NRXN3: variants seen among roughly 807,000 people sequenced by gnomAD.
The protein encoded by NRXN3 is neurexin III.
A neutral mutation model predicts 137.6 loss-of-function variants in NRXN3; 32 were observed. The observed-to-expected ratio is 0.23, with a 90% CI of 0.18 to 0.31. The LOEUF (loss-of-function observed/expected upper bound fraction) is 0.31. NRXN3 is among the 10% of genes least tolerant of loss of function. The pLI is 1.00. For missense variants in NRXN3, 1,574 were observed against 2,062.5 expected (o/e 0.76, Z 4.59); for synonymous variants, 798 against 784.5 (o/e 1.02, Z -0.29).
At chr14:78,856,119 T>C (rs2099056366) in intron 10 of NRXN3, among the ~76,000 whole-genome samples, 1 of 152,180 alleles carries the variant, frequency 6.6e-6, no homozygotes, top group East Asian at 1.9e-4. Context: ...TGTAAAACAC[T>C]CCAACCTCAG....
intron 19 of NRXN3, among the ~76,000 whole-genome samples, chr14:79,721,613 G>A (rs1234683702): frequency 1.3e-5 from 2 of 152,120 alleles, no homozygotes; most frequent in African/African-American, 2.4e-5. Context: ...AGCTAAATAC[G>A]TATAGGTTGG....
intron 10 of NRXN3, among the ~76,000 whole-genome samples, chr14:78,813,606 G>A (rs1441665642): frequency 1.3e-5 from 2 of 151,936 alleles, no homozygotes; most frequent in African/African-American, 2.4e-5. Flanking sequence ...TTCTTTTTTA[G>A]AATGCCTGTC....
At chr14:79,249,632 C>T (rs1233020153) in intron 15 of NRXN3, among the ~76,000 whole-genome samples, 2 of 152,146 alleles carry the variant, frequency 1.3e-5, no homozygotes, top group Non-Finnish European at 2.9e-5. Context: ...ATTCATAACA[C>T]ATCAGGGAGG....
intron 15 of NRXN3, among the ~76,000 whole-genome samples, chr14:79,124,623 G>A (rs1242597674): frequency 2.0e-5 from 3 of 152,138 alleles, no homozygotes; most frequent in African/African-American, 7.2e-5. Context: ...ATAAACGTGA[G>A]TGTATAATAA....
chr14:78,262,451 G>A (rs1441717504), intron 2 of NRXN3, among the ~76,000 whole-genome samples: 2 of 152,124 alleles, frequency 1.3e-5, no homozygotes, highest in East Asian at 3.9e-4. Context: ...TGTTGTGGGA[G>A]AAGGGTAAAA....
In NRXN3 at chr14:79,344,703, CA is replaced by C. The variant is rs200700632; in HGVS notation, c.3263-122510del. ...CAGATTTAAAAAATAAGCTATGACTCAAAAAAAATTAATGTGAAATGCATCT... is the reference window on the plus strand; with the variant it reads ...CAGATTTAAAAAATAAGCTATGACTCAAAAAAATTAATGTGAAATGCATCT... On this transcript the variant is annotated intron_variant, in intron 15 of 20. Coordinates refer to ENST00000335750, the MANE Select transcript of NRXN3 (RefSeq NM_001330195.2). Among the ~76,000 whole-genome samples the C allele has an allele frequency of 5.8e-3, 887 of 151,752 alleles. 11 individuals carry two copies. Among genetic ancestry groups the C allele is most frequent in the African/African-American group, 0.021 (862 of 41,398 alleles).
intron 15 of NRXN3, among the ~76,000 whole-genome samples, chr14:79,194,582 C>T (rs2064884975): frequency 6.6e-6 from 1 of 152,190 alleles, no homozygotes; most frequent in African/African-American, 2.4e-5. Context: ...AGGATTCCCC[C>T]AGAAGAAAGT....
At chr14:79,214,037 A>G (rs2068105396) in intron 15 of NRXN3, among the ~76,000 whole-genome samples, 1 of 152,220 alleles carries the variant, frequency 6.6e-6, no homozygotes, top group Admixed American at 6.5e-5. Flanking sequence ...TGTAGTCATA[A>G]CCACACATAG....
At position 78,803,804 on chromosome 14, in the gene NRXN3, C is replaced by T; in HGVS notation, c.2229C>T (p.Val743=). The stretch of plus-strand genomic sequence containing the variant: ...GTCTGGAGCTGGATGGGGGGCGTGT[C>T]AAGCTCATGGTTAACTTAGGTATCG... ...TLRLELDGGR[V]KLMVNLDCIR... The change falls in exon 9 of 21, where the codon GTC becomes GTT. Residue 743 remains valine, a synonymous_variant. Coordinates refer to ENST00000335750, the MANE Select transcript of NRXN3 (RefSeq NM_001330195.2). The T allele has an allele frequency of 1.2e-6, 2 of 1,613,804 alleles. No homozygotes were observed. The highest frequency in any genetic ancestry group is 2.2e-5 in the South Asian group (2 of 91,074).
chr14:78,210,532 G>A (rs931908522), intron 1 of NRXN3, among the ~76,000 whole-genome samples: 3 of 152,164 alleles, frequency 2.0e-5, no homozygotes, highest in Non-Finnish European at 4.4e-5. Flanking sequence ...TGTAAGCCAT[G>A]TACAATAAAG....
intron 16 of NRXN3, among the ~76,000 whole-genome samples, chr14:79,644,034 C>G (rs1480044995): frequency 7.4e-6 from 1 of 135,642 alleles, no homozygotes; most frequent in Non-Finnish European, 1.7e-5. Context: ...GCCAAAAAAT[C>G]TCTATTGATT....
intron 16 of NRXN3, among the ~76,000 whole-genome samples, chr14:79,539,309 C>T (rs145615049): frequency 9.9e-5 from 15 of 152,284 alleles, no homozygotes; most frequent in African/African-American, 3.6e-4. Flanking sequence ...GCTGGGACTA[C>T]AGGTGCCCCG....
intron 15 of NRXN3, among the ~76,000 whole-genome samples, chr14:79,432,967 T>C (rs1323284211): frequency 6.6e-6 from 1 of 152,198 alleles, no homozygotes; most frequent in Admixed American, 6.5e-5. Context: ...TGAATAATGC[T>C]TCTTTTGCTA....
At chr14:79,782,610 G>A (rs1344424308) in intron 19 of NRXN3, among the ~76,000 whole-genome samples, 1 of 152,084 alleles carries the variant, frequency 6.6e-6, no homozygotes, top group Non-Finnish European at 1.5e-5. Context: ...CACAAATTTG[G>A]TATATGATTT....
intron 15 of NRXN3, among the ~76,000 whole-genome samples, chr14:79,236,535 T>C (rs568260502): frequency 6.6e-6 from 1 of 152,270 alleles, no homozygotes; most frequent in African/African-American, 2.4e-5. Flanking sequence ...AAACTGAATA[T>C]TAACCATTCC....
At chr14:78,953,041 T>A (rs1419212108) in intron 10 of NRXN3, among the ~76,000 whole-genome samples, 1 of 152,210 alleles carries the variant, frequency 6.6e-6, no homozygotes, top group Non-Finnish European at 1.5e-5. Context: ...CTTGTAGTCT[T>A]GCTGCTTATA....
At chr14:78,348,002 T>C (rs769459316) in intron 4 of NRXN3, among the ~76,000 whole-genome samples, 10 of 152,142 alleles carry the variant, frequency 6.6e-5, no homozygotes, top group Middle Eastern at 3.2e-3. Context: ...CATAAGTATA[T>C]GGAGTAGGTA....
At chr14:79,274,708 T>G (rs1056773499) in intron 15 of NRXN3, among the ~76,000 whole-genome samples, 2 of 150,022 alleles carry the variant, frequency 1.3e-5, no homozygotes, top group East Asian at 4.4e-4. Context: ...AGAGTTCATA[T>G]TTTTTTAATC....
intron 15 of NRXN3, among the ~76,000 whole-genome samples, chr14:79,118,409 G>C (rs1028776830): frequency 6.6e-6 from 1 of 152,172 alleles, no homozygotes; most frequent in East Asian, 1.9e-4. Flanking sequence ...AGCTGTGAAG[G>C]GGAATGGCAT....
Sources: allele counts gnomAD v4.1 joint callset (sites outside exome capture counted in the v4.1 genomes callset), GRCh38; gene constraint gnomAD v4.1.1; transcripts MANE v1.5; gene names NCBI Gene and HGNC (gene_info 2026-07-23, HGNC 2026-07-21).